CACUL1: variants seen among roughly 807,000 people sequenced by gnomAD.
CACUL1 encodes the protein CDK2-associated and cullin domain-containing protein 1.
A neutral mutation model predicts 45.2 loss-of-function variants in CACUL1; 13 were observed. The ratio of observed to expected loss-of-function variants is 0.29; its 90% CI spans 0.19 to 0.46. The LOEUF (loss-of-function observed/expected upper bound fraction) is 0.46, where lower values mean the gene tolerates loss of function less well. Ranked by LOEUF, CACUL1 falls within the 20% of genes least tolerant of loss-of-function variation. CACUL1 has a pLI of 1.00. For missense variants in CACUL1, 421 were observed against 471.4 expected, an observed-to-expected ratio of 0.89 and a Z score of 0.99; for synonymous variants, 197 against 174.2, an observed-to-expected ratio of 1.13 and a Z score of -1.03.
intron 1 of CACUL1, among the ~76,000 whole-genome samples, chr10:118,749,635 A>G (rs1845876524): frequency 6.6e-6 from 1 of 152,218 alleles, no homozygotes; most frequent in Non-Finnish European, 1.5e-5. Context: ...GCCTTTTCCA[A>G]TAGAACATGC....
chr10:118,724,739 G>A (rs1366386446), intron 3 of CACUL1, among the ~76,000 whole-genome samples: 1 of 152,152 alleles, frequency 6.6e-6, no homozygotes, highest in African/African-American at 2.4e-5. Flanking sequence ...AGACAACAAT[G>A]GGAATCAAAG....
chr10:118,697,735 A>C (rs1381964134), intron 5 of CACUL1, among the ~76,000 whole-genome samples: 1 of 152,256 alleles, frequency 6.6e-6, no homozygotes, highest in Non-Finnish European at 1.5e-5. Context: ...TATTTAGAAC[A>C]CTGTGCAAAC....
chr10:118,705,101 T>C (rs2064176151), intron 4 of CACUL1, among the ~76,000 whole-genome samples: 1 of 152,260 alleles, frequency 6.6e-6, no homozygotes, highest in South Asian at 2.1e-4. Flanking sequence ...ATTTATCTTT[T>C]ATAAGTTTTA....
chr10:118,716,304 TA>T (rs1168343998), intron 3 of CACUL1, among the ~76,000 whole-genome samples: 4 of 122,334 alleles, frequency 3.3e-5, no homozygotes, highest in Non-Finnish European at 7.4e-5. Flanking sequence ...ACCATTTTGG[TA>T]TTTTTTTTTT....
Position 118,707,523 on chromosome 10 carries a change from A to C in CACUL1, c.662T>G (p.Leu221Trp). ...NIALGQYMGA[L>W]QSIVPLFIYM... is the part of the protein sequence containing the mutation. Reference sequence around the variant, plus strand: ...TATGAAAAGAGGCACAATGCTCTGCAATGCTCCCATATATTGTCCAAGAGC... The same window carrying C: ...TATGAAAAGAGGCACAATGCTCTGCCATGCTCCCATATATTGTCCAAGAGC... Residue 221 changes from leucine (L) to tryptophan (W), a missense_variant, in exon 4 of 9, where the codon TTG becomes TGG. By Grantham distance (61) the Leu-to-Trp change is moderately conservative. This residue lies in a region of CACUL1 where 208 missense variants were observed against 298.4 expected (regional missense o/e 0.70). Coordinates refer to ENST00000369151, the MANE Select transcript of CACUL1 (RefSeq NM_153810.5). 1 of 1,577,344 alleles carries C rather than the reference A, an allele frequency of 6.3e-7. No homozygotes were observed. The highest frequency in any genetic ancestry group is 8.7e-7 in the Non-Finnish European group (1 of 1,147,138).
chr10:118,704,257 T>C (rs1845412655), intron 4 of CACUL1, among the ~76,000 whole-genome samples: 1 of 152,096 alleles, frequency 6.6e-6, no homozygotes, highest in East Asian at 1.9e-4. Flanking sequence ...TGGAAAAATC[T>C]ACTCCTTCCT....
intron 1 of CACUL1, among the ~76,000 whole-genome samples, chr10:118,743,786 A>C (rs1845814233): frequency 6.6e-6 from 1 of 152,140 alleles, no homozygotes; most frequent in African/African-American, 2.4e-5. Context: ...GACTCTTTAA[A>C]GTATTTATAG....
chr10:118,740,614 T>C (rs974705369), intron 1 of CACUL1, among the ~76,000 whole-genome samples: 1 of 136,502 alleles, frequency 7.3e-6, no homozygotes, highest in Non-Finnish European at 1.6e-5. Context: ...TGTCTCAAAA[T>C]AAATAAAAAT....
At chr10:118,744,457 A>AT (rs1845822804) in intron 1 of CACUL1, among the ~76,000 whole-genome samples, 1 of 152,156 alleles carries the variant, frequency 6.6e-6, no homozygotes. Flanking sequence ...CAGAAAGCAA[A>AT]TTGGTGGATG....
intron 1 of CACUL1, among the ~76,000 whole-genome samples, chr10:118,743,966 T>C (rs959511324): frequency 1.3e-5 from 2 of 150,848 alleles, no homozygotes; most frequent in African/African-American, 2.4e-5. Flanking sequence ...AAATAAGAGG[T>C]GGAAACTTCC....
intron 5 of CACUL1, among the ~76,000 whole-genome samples, chr10:118,699,139 C>T (rs1367229493): frequency 6.6e-6 from 1 of 152,056 alleles, no homozygotes; most frequent in East Asian, 1.9e-4. Context: ...GTTTAAAAAC[C>T]TTTTGATGAT....
rs1845108006 is a variant in CACUL1 at position 118,677,328 on chromosome 10, C to T, written c.*8800G>A. ...ATTTTCCTATTTTCATCTGTTTATA[C>T]TTCCATGAGTTTTTTAGATTATATA... On this transcript the variant is annotated 3_prime_UTR_variant, in exon 9 of 9. Coordinates refer to ENST00000369151, the MANE Select transcript of CACUL1 (RefSeq NM_153810.5). 6.6e-6 allele frequency: 1 copy of T among 152,082 alleles called. No homozygotes were observed. The highest frequency in any genetic ancestry group is 2.4e-5 in the African/African-American group (1 of 41,414). The allele number at this position is 152,082 out of a possible 1,614,324, so 9.4% of individuals were successfully genotyped here. A position where few individuals can be genotyped will look rare whatever the true frequency, so the allele number is the denominator to read the frequency against.
At position 118,678,474 on chromosome 10, in the gene CACUL1, A is replaced by G. The variant is rs1277372361; in HGVS notation, c.*7654T>C. 6.6e-6 allele frequency: 1 copy of G among 152,174 alleles called. No individual in the cohort carries two copies. Among genetic ancestry groups the G allele is most frequent in the Admixed American group, 6.5e-5 (1 of 15,276 alleles). The allele number at this position is 152,174 out of a possible 1,614,324, so 9.4% of individuals were successfully genotyped here. On this transcript the variant is annotated 3_prime_UTR_variant, in exon 9 of 9. Transcript: ENST00000369151. ...GATATCCTTGGCCCTTTGCTCTTCCATTTATATCGACGAATCAAATTGTCA... is the reference window on the plus strand; with the variant it reads ...GATATCCTTGGCCCTTTGCTCTTCCGTTTATATCGACGAATCAAATTGTCA...
chr10:118,738,332 G>C (rs1225413322), intron 1 of CACUL1, among the ~76,000 whole-genome samples: 1 of 152,154 alleles, frequency 6.6e-6, no homozygotes, highest in Non-Finnish European at 1.5e-5. Flanking sequence ...AAACATTCAG[G>C]GCAGGACTGT....
At chr10:118,700,470 C>G (rs887780216) in intron 5 of CACUL1, among the ~76,000 whole-genome samples, 2 of 152,062 alleles carry the variant, frequency 1.3e-5, no homozygotes, top group Admixed American at 6.6e-5. Flanking sequence ...GTAATCCCAG[C>G]ACTTTGGGAG....
At chr10:118,725,148 A>C (rs1845639962) in intron 3 of CACUL1, among the ~76,000 whole-genome samples, 1 of 152,236 alleles carries the variant, frequency 6.6e-6, no homozygotes, top group Non-Finnish European at 1.5e-5. Context: ...GAAAAATAAA[A>C]ATAAATAGAA....
At chr10:118,748,008 C>G (rs1845860752) in intron 1 of CACUL1, among the ~76,000 whole-genome samples, 1 of 152,060 alleles carries the variant, frequency 6.6e-6, no homozygotes, top group African/African-American at 2.4e-5. Flanking sequence ...TCACTTGAAC[C>G]CGGGAGCCAG....
intron 3 of CACUL1, chr10:118,726,443 C>CTTGAGGGGGAGGGA: frequency 1.7e-6 from 1 of 588,682 alleles, no homozygotes; most frequent in Non-Finnish European, 2.6e-6. Flanking sequence ...GAGTCCCTCC[C>CTTGAGGGGGAGGGA]CCTCAAGGAA....
intron 1 of CACUL1, among the ~76,000 whole-genome samples, chr10:118,740,719 G>T (rs370789375): frequency 6.6e-6 from 1 of 152,250 alleles, no homozygotes; most frequent in East Asian, 1.9e-4. Flanking sequence ...GAGGTCAGGA[G>T]ATCGAGACCA....
Sources: gnomAD v4.1 joint callset for allele counts (sites outside exome capture counted in the v4.1 genomes callset) on GRCh38, gnomAD v4.1.1 for gene constraint, gnomAD v4.1.1 regional missense constraint, MANE v1.5 for transcripts, NCBI Gene and HGNC (gene_info 2026-07-23, HGNC 2026-07-21) for gene names.